SHISA9: variants seen among roughly 807,000 people sequenced by gnomAD.
SHISA9 encodes the protein protein shisa-9.
In SHISA9, 13 loss-of-function variants were observed where a neutral mutation model predicts 38.0. The ratio of observed to expected loss-of-function variants is 0.34; its 90% CI spans 0.22 to 0.54. SHISA9 has a LOEUF of 0.54. SHISA9 is among the 20% of genes least tolerant of loss of function. SHISA9 has a pLI of 0.91. For synonymous variants in SHISA9, 275 were observed against 242.0 expected (o/e 1.14, Z -1.27); for missense variants, 538 against 575.8 (o/e 0.93, Z 0.67).
chr16:13,037,331 C>T (rs1034790060), intron 2 of SHISA9, among the ~76,000 whole-genome samples: 9 of 151,992 alleles, frequency 5.9e-5, no homozygotes, highest in South Asian at 2.1e-4. Flanking sequence ...TTATTTTTTA[C>T]GTACAAAATT....
the SHISA9 span, among the ~76,000 whole-genome samples, chr16:13,378,926 T>C: frequency 1.3e-5 from 2 of 152,230 alleles, no homozygotes; most frequent in Non-Finnish European, 2.9e-5. Flanking sequence ...TGATTAACTC[T>C]TTGTGTGTTT....
chr16:13,257,210 T>G, the SHISA9 span, among the ~76,000 whole-genome samples: 5 of 152,224 alleles, frequency 3.3e-5, no homozygotes, highest in Admixed American at 3.3e-4. Flanking sequence ...AGCTTTTCTT[T>G]CTAGCACTGT....
intron 2 of SHISA9, among the ~76,000 whole-genome samples, chr16:13,158,972 A>C (rs1031175652): frequency 6.6e-6 from 1 of 151,648 alleles, no homozygotes; most frequent in Non-Finnish European, 1.5e-5. Flanking sequence ...AGGCAGGAGA[A>C]TCACTTGAAC....
intron 2 of SHISA9, among the ~76,000 whole-genome samples, chr16:12,997,225 A>G (rs1348309088): frequency 1.3e-5 from 2 of 151,962 alleles, no homozygotes; most frequent in Non-Finnish European, 2.9e-5. Flanking sequence ...TGGAGTCACA[A>G]CATATATAGC....
Position 13,238,845 on chromosome 16 carries a change from A to ATTATTC in SHISA9, c.*3441_*3442insCTTATT, listed in dbSNP as rs1555475127. The ATTATTC allele has an allele frequency of 6.9e-6, 1 of 145,644 alleles. No homozygotes were observed. The highest frequency in any genetic ancestry group is 2.5e-5 in the African/African-American group (1 of 39,990). The allele number at this position is 145,644 out of a possible 1,614,324, so 9.0% of individuals were successfully genotyped here. A position where few individuals can be genotyped will look rare whatever the true frequency, so the allele number is the denominator to read the frequency against. On this transcript the variant is annotated 3_prime_UTR_variant, in exon 5 of 5. Coordinates refer to ENST00000558583, the MANE Select transcript of SHISA9 (RefSeq NM_001145204.3). ...TATTATTATTATTATTATTATTATT[A>ATTATTC]TTATTATACTTTAAGTTTTAGGGTA...
At chr16:13,058,011 A>C (rs965500492) in intron 2 of SHISA9, among the ~76,000 whole-genome samples, 2 of 152,198 alleles carry the variant, frequency 1.3e-5, no homozygotes, top group Admixed American at 6.5e-5. Flanking sequence ...ATAATATTCC[A>C]TGGTGAATAT....
At chr16:13,472,505 C>T in the SHISA9 span, among the ~76,000 whole-genome samples, 2 of 148,260 alleles carry the variant, frequency 1.3e-5, no homozygotes, top group African/African-American at 5.0e-5. Flanking sequence ...CATTGTCCTG[C>T]CTCAGCCTTC....
intron 2 of SHISA9, among the ~76,000 whole-genome samples, chr16:12,970,067 G>C (rs1437430524): frequency 6.6e-6 from 1 of 151,360 alleles, no homozygotes. Flanking sequence ...ACTGAACTGT[G>C]AATAAATGGG....
intron 2 of SHISA9, among the ~76,000 whole-genome samples, chr16:13,146,868 G>A (rs995239892): frequency 1.3e-5 from 2 of 152,128 alleles, no homozygotes; most frequent in Admixed American, 6.5e-5. Flanking sequence ...ATTATGGGAC[G>A]AGGTTTCTGG....
rs778957508 is a variant in SHISA9, at chr16:13,203,530, C to T, written c.828C>T (p.Tyr276=). The change falls in exon 3 of 5, where the codon TAC becomes TAT. Residue 276 remains tyrosine, a synonymous_variant. Coordinates refer to ENST00000558583, the MANE Select transcript of SHISA9 (RefSeq NM_001145204.3). ...CACCAGGAAAAGAGCTCAACAAGTA[C>T]GCCTCCTTAAAGGCAGTCGGTAAGT... The part of the protein sequence containing the change: ...QQPPGKELNK[Y]ASLKAVGSSD... The T allele has an allele frequency of 3.1e-5, 48 of 1,540,548 alleles. No individual in the cohort carries two copies. Among genetic ancestry groups the T allele is most frequent in the East Asian group, 9.9e-5 (4 of 40,456 alleles).
At chr16:13,205,966 A>G (rs1567248111) in intron 3 of SHISA9, among the ~76,000 whole-genome samples, 1 of 148,160 alleles carries the variant, frequency 6.7e-6, no homozygotes, top group African/African-American at 2.5e-5. Flanking sequence ...GGGTTTCTCC[A>G]TGTTGCTCAG....
chr16:12,976,824 G>T (rs2072169096), intron 2 of SHISA9, among the ~76,000 whole-genome samples: 1 of 152,120 alleles, frequency 6.6e-6, no homozygotes, highest in Non-Finnish European at 1.5e-5. Flanking sequence ...CCAAGCAGAG[G>T]AAATGAAACA....
At chr16:13,382,546 A>AG in the SHISA9 span, among the ~76,000 whole-genome samples, 1 of 149,600 alleles carries the variant, frequency 6.7e-6, no homozygotes, top group African/African-American at 2.5e-5. Context: ...AAAAAAAAAA[A>AG]AAAGAAAGAA....
chr16:13,481,737 G>A, the SHISA9 span, among the ~76,000 whole-genome samples: 53 of 152,292 alleles, frequency 3.5e-4, no homozygotes, highest in East Asian at 5.4e-3. Context: ...GAAGGTCAAA[G>A]GTGTCAGAGG....
chr16:13,003,889 T>TAATAAGAAGAAGAAG (rs770958492), intron 2 of SHISA9, among the ~76,000 whole-genome samples: 40 of 145,820 alleles, frequency 2.7e-4, no homozygotes, highest in African/African-American at 9.8e-4. Flanking sequence ...ATAATAATAA[T>TAATAAGAAGAAGAAG]AAGAAGAAGA....
At chr16:13,207,345 A>G (rs1293787653) in intron 3 of SHISA9, among the ~76,000 whole-genome samples, 1 of 152,186 alleles carries the variant, frequency 6.6e-6, no homozygotes, top group Non-Finnish European at 1.5e-5. Context: ...AATGTCTGCA[A>G]TGCATTTGGG....
chr16:13,328,906 C>T, the SHISA9 span, among the ~76,000 whole-genome samples: 3 of 151,632 alleles, frequency 2.0e-5, no homozygotes, highest in Non-Finnish European at 4.4e-5. Flanking sequence ...GCCCCCAAAT[C>T]ATTTTTTTTC....
the SHISA9 span, among the ~76,000 whole-genome samples, chr16:13,338,855 T>TTCCTA: frequency 3.7e-4 from 57 of 152,194 alleles, no homozygotes; most frequent in African/African-American, 1.4e-3. Flanking sequence ...GCACAATATT[T>TTCCTA]TCCTAAGTGT....
At chr16:13,335,263 G>A in the SHISA9 span, among the ~76,000 whole-genome samples, 1 of 152,178 alleles carries the variant, frequency 6.6e-6, no homozygotes. Context: ...GAGAGCAAGT[G>A]GATAATGGAG....
Sources: allele counts gnomAD v4.1 joint callset (sites outside exome capture counted in the v4.1 genomes callset), GRCh38; gene constraint gnomAD v4.1.1; transcripts MANE v1.5; gene names NCBI Gene and HGNC (gene_info 2026-07-23, HGNC 2026-07-21).